The following SLC25A28 variants were observed in gnomAD, a reference collection of about 807,000 sequenced individuals.
SLC25A28 encodes mitoferrin-2.
SLC25A28 carries 10 observed loss-of-function variants against 31.9 expected under a neutral mutation model. That is an observed-to-expected ratio of 0.31 (90% CI 0.19 to 0.53). SLC25A28 has a LOEUF of 0.53. Ranked by LOEUF, SLC25A28 falls within the 20% of genes least tolerant of loss-of-function variation. The pLI, the probability that SLC25A28 is intolerant of heterozygous loss-of-function variation, is 0.95. For missense variants in SLC25A28, 256 were observed against 490.3 expected, an observed-to-expected ratio of 0.52 and a Z score of 4.51; for synonymous variants, 208 against 203.6, an observed-to-expected ratio of 1.02 and a Z score of -0.19.
chr10:99,611,745 G>A lies in SLC25A28; in HGVS notation c.578-379C>T, dbSNP rs1362426145. Among the ~76,000 whole-genome samples, 1 of 152,148 alleles carries A rather than the reference G, an allele frequency of 6.6e-6. No homozygotes were observed. The highest frequency in any genetic ancestry group is 2.4e-5 in the African/African-American group (1 of 41,428). ...CATGATAGTGATCATCACGAACACAGGCCCCTAACAATCCCAATCCTCGCA... is the reference window on the plus strand; with the variant it reads ...CATGATAGTGATCATCACGAACACAAGCCCCTAACAATCCCAATCCTCGCA... On this transcript the variant is annotated intron_variant, in intron 3 of 3. Transcript: ENST00000370495. This position sits in a 1 kb window ranked among gnomAD's most constrained non-coding sequence, Gnocchi z 5.5.
chr10:99,653,815 C>T, the SLC25A28 span: 1 of 152,170 alleles, frequency 6.6e-6, no homozygotes, highest in Non-Finnish European at 1.5e-5. Context: ...TCTTTTTGGA[C>T]CAAACATACC....
the SLC25A28 span, among the ~76,000 whole-genome samples, chr10:99,637,194 A>G: frequency 6.6e-6 from 1 of 151,502 alleles, no homozygotes; most frequent in Non-Finnish European, 1.5e-5. Context: ...AAACCACATG[A>G]TCATCTCAAT....
the SLC25A28 span, among the ~76,000 whole-genome samples, chr10:99,634,166 C>T: frequency 6.6e-6 from 1 of 152,174 alleles, no homozygotes; most frequent in Admixed American, 6.5e-5. Flanking sequence ...AGCCCTAGAC[C>T]TTCCCTCTGG....
At chr10:99,622,116 G>C (rs182731897), upstream of SLC25A28, among the ~76,000 whole-genome samples, 1 of 152,216 alleles carries the variant, frequency 6.6e-6, no homozygotes, top group East Asian at 1.9e-4. Context: ...TCAGGAGTTC[G>C]AGACCAGCCT....
At chr10:99,651,937 G>A in the SLC25A28 span, 10 of 152,240 alleles carry the variant, frequency 6.6e-5, no homozygotes, top group East Asian at 5.8e-4. Context: ...TGGTGTGTGA[G>A]TGTGTATCTT....
At chr10:99,647,245 T>A in the SLC25A28 span, among the ~76,000 whole-genome samples, 2 of 152,222 alleles carry the variant, frequency 1.3e-5, no homozygotes, top group Non-Finnish European at 2.9e-5. Flanking sequence ...CCATACTGTT[T>A]TCCATAAAGG....
In SLC25A28 at chr10:99,610,945, A is replaced by T; in HGVS notation, c.999T>A (p.Ile333=). The stretch of plus-strand genomic sequence containing the variant: ...CGATGGCTGTGGAGGGGATCTGGTA[A>T]ATTACTCTGGCCTGCACCCCTCGGA... The part of the protein sequence containing the change: ...AYFRGVQARV[I]YQIPSTAIAW... The change falls in exon 4 of 4, where the codon ATT becomes ATA. Residue 333 remains isoleucine (I), a synonymous_variant. Transcript: ENST00000370495. The T allele has an allele frequency of 6.2e-7, 1 of 1,614,174 alleles. No homozygotes were observed.
At chr10:99,654,490 G>A in the SLC25A28 span, among the ~76,000 whole-genome samples, 9 of 152,076 alleles carry the variant, frequency 5.9e-5, no homozygotes, top group South Asian at 6.3e-4. Context: ...GTAAAACCCC[G>A]TCTCTACCAA....
At chr10:99,620,836 G>C, upstream of SLC25A28, 1 of 985,458 alleles carries the variant, frequency 1.0e-6, no homozygotes, top group Non-Finnish European at 1.2e-6. Context: ...GGCCGACTTC[G>C]GGCCCCTCAC....
the SLC25A28 span, among the ~76,000 whole-genome samples, chr10:99,626,660 A>G: frequency 6.6e-6 from 1 of 152,218 alleles, no homozygotes; most frequent in Non-Finnish European, 1.5e-5. Context: ...ATATAACAGT[A>G]GACTTCATGT....
At chr10:99,619,493 T>TAA in intron 1 of SLC25A28, 1 of 838,586 alleles carries the variant, frequency 1.2e-6, no homozygotes, top group Non-Finnish European at 1.4e-6. Flanking sequence ...CAGTCTGGAA[T>TAA]TCTGCATTCT....
chr10:99,643,971 G>A, the SLC25A28 span, among the ~76,000 whole-genome samples: 1 of 152,198 alleles, frequency 6.6e-6, no homozygotes, highest in Non-Finnish European at 1.5e-5. Flanking sequence ...TTGCCAAGGA[G>A]TGCTTTACTT....
At chr10:99,655,045 A>G in the SLC25A28 span, among the ~76,000 whole-genome samples, 493 of 152,358 alleles carry the variant, frequency 3.2e-3, 3 homozygotes, top group African/African-American at 0.011. Flanking sequence ...TTTTGCAAAG[A>G]ATCATGCTTG....
chr10:99,614,556 G>A lies in SLC25A28; in HGVS notation c.292-632C>T, dbSNP rs2034602777. 3.9e-5 allele frequency among the ~76,000 whole-genome samples: 6 copies of A among 152,242 alleles called. No homozygotes were observed. The South Asian group carries it at 1.2e-3, about 32-fold the overall frequency. On this transcript the variant is annotated intron_variant, in intron 1 of 3. Transcript: ENST00000370495. ...CCAATCTAGTCTCCAATCCTGAAGG[G>A]CCCTTCCAGATTTCTAATTTAAACT... is the stretch of plus-strand genomic sequence containing the variant.
the SLC25A28 span, among the ~76,000 whole-genome samples, chr10:99,642,293 A>T: frequency 6.6e-6 from 1 of 151,984 alleles, no homozygotes; most frequent in Non-Finnish European, 1.5e-5. Flanking sequence ...ATCCCTTGTA[A>T]GTTGGATTCC....
the SLC25A28 span, among the ~76,000 whole-genome samples, chr10:99,658,130 T>C: frequency 1.3e-5 from 2 of 152,114 alleles, no homozygotes; most frequent in Non-Finnish European, 2.9e-5. Context: ...GAGGCTGCAG[T>C]GAACCACGAT....
chr10:99,648,165 A>ATT, the SLC25A28 span, among the ~76,000 whole-genome samples: 648 of 147,738 alleles, frequency 4.4e-3, 4 homozygotes, highest in African/African-American at 9.0e-3. Flanking sequence ...TGCCCAGCTG[A>ATT]TTTTTTTTTT....
the SLC25A28 span, among the ~76,000 whole-genome samples, chr10:99,646,461 G>T: frequency 6.6e-6 from 1 of 152,176 alleles, no homozygotes. Flanking sequence ...CATCTGTCAC[G>T]GCTTCCCTTG....
the SLC25A28 span, among the ~76,000 whole-genome samples, chr10:99,635,870 C>A: frequency 6.6e-6 from 1 of 152,116 alleles, no homozygotes; most frequent in Admixed American, 6.5e-5. Context: ...TTAAAAGAGA[C>A]AAAGAGGGAG....
Sources: allele counts gnomAD v4.1 joint callset (sites outside exome capture counted in the v4.1 genomes callset), GRCh38; gene constraint gnomAD v4.1.1; non-coding constraint Gnocchi (gnomAD v3.1); transcripts MANE v1.5; gene names NCBI Gene and HGNC (gene_info 2026-07-23, HGNC 2026-07-21).